RFC3: variants seen among roughly 807,000 people sequenced by gnomAD.
RFC3 encodes the protein A1 38 kDa subunit.
A neutral mutation model predicts 45.1 loss-of-function variants in RFC3; 41 were observed. The ratio of observed to expected loss-of-function variants is 0.91; its 90% CI spans 0.71 to 1.18. The LOEUF is 1.18. Ranked by LOEUF, RFC3 falls within the 50% of genes most tolerant of loss-of-function variation. RFC3 has a pLI of 0.00. For missense variants in RFC3, 423 were observed against 428.1 expected (o/e 0.99, Z 0.10); for synonymous variants, 149 against 144.0 (o/e 1.03, Z -0.25).
chr13:33,935,037 A>G lies in RFC3; in HGVS notation c.880-31050A>G, dbSNP rs143257394. Among the ~76,000 whole-genome samples the G allele has an allele frequency of 3.0e-3, 457 of 152,246 alleles. 3 individuals are homozygous for G. The highest frequency in any genetic ancestry group is 4.9e-3 in the Non-Finnish European group (336 of 68,008). ...TTTTGGCTGACTTCCTTGTTTGGAA[A>G]GTCTTATTTGGTTACCAGATAACTG... On this transcript the variant is annotated intron_variant, in intron 8 of 8. Transcript: ENST00000434425.
intron 8 of RFC3, among the ~76,000 whole-genome samples, chr13:33,886,774 TCCCTCCC>T (rs1355787479): frequency 1.7e-5 from 2 of 117,548 alleles, no homozygotes; most frequent in Non-Finnish European, 3.5e-5. Context: ...CCTAAAGCTA[TCCCTCCC>T]CCCTCCCCCC....
chr13:33,946,880 C>T (rs1029712453), intron 8 of RFC3, among the ~76,000 whole-genome samples: 14 of 152,114 alleles, frequency 9.2e-5, no homozygotes, highest in Non-Finnish European at 8.8e-5. Flanking sequence ...GCTTTTTGTA[C>T]GCAGCTATAA....
intron 8 of RFC3, among the ~76,000 whole-genome samples, chr13:33,959,973 T>C (rs554596827): frequency 6.6e-5 from 10 of 152,064 alleles, no homozygotes; most frequent in African/African-American, 2.4e-4. Flanking sequence ...GTAGGTCACA[T>C]AGTGAAAGCA....
intron 8 of RFC3, among the ~76,000 whole-genome samples, chr13:33,858,268 A>G (rs1023277523): frequency 2.6e-5 from 4 of 152,206 alleles, no homozygotes; most frequent in East Asian, 1.9e-4. Flanking sequence ...TTGGTCTCCT[A>G]CTGTAGCTTG....
Position 33,829,296 on chromosome 13 carries a change from A to T in RFC3, c.392-540A>T, listed in dbSNP as rs1382581200. Among the ~76,000 whole-genome samples the T allele has an allele frequency of 3.9e-5, 6 of 152,144 alleles. No individual in the cohort carries two copies. In the East Asian group the frequency reaches 1.2e-3, roughly 29 times the overall value. ...CCTTGTTGCCTACATCTCTTGCACC[A>T]CTGTCTTCCAAAGTCTATTCCTTGG... On this transcript the variant is annotated intron_variant, in intron 4 of 8. Coordinates refer to ENST00000380071, the MANE Select transcript of RFC3 (RefSeq NM_002915.4).
chr13:33,924,437 C>G (rs888238481), intron 8 of RFC3, among the ~76,000 whole-genome samples: 1 of 151,754 alleles, frequency 6.6e-6, no homozygotes, highest in African/African-American at 2.4e-5. Flanking sequence ...ACAGCCATGC[C>G]CATTTACTTA....
chr13:33,877,325 C>G (rs111597001), intron 8 of RFC3, among the ~76,000 whole-genome samples: 4,527 of 152,216 alleles, frequency 0.03, 134 homozygotes, highest in African/African-American at 0.069. Flanking sequence ...GCAGGCATTC[C>G]ACAGACATTC....
At chr13:33,956,906 G>T (rs60461975) in intron 8 of RFC3, among the ~76,000 whole-genome samples, 3,569 of 152,168 alleles carry the variant, frequency 0.023, 124 homozygotes, top group African/African-American at 0.078. Flanking sequence ...CTGTCTATAT[G>T]TTTAGGTCTA....
rs753959887 is a variant in RFC3, at chr13:33,823,925, T to TAA, written c.243_244dup (p.Ile82LysfsTer26). ...TTTTTCTTTGTCCACAGACTCCATC[T>TAA]AAAAAAAAAATTGAAATTAGCACCA... is the stretch of plus-strand genomic sequence containing the variant. On this transcript the variant is annotated frameshift_variant, in exon 3 of 9. Coordinates refer to ENST00000380071, the MANE Select transcript of RFC3 (RefSeq NM_002915.4). LOFTEE classifies it high-confidence loss of function. 3.6e-5 allele frequency: 50 copies of TAA among 1,383,936 alleles called. No homozygotes were observed. The highest frequency in any genetic ancestry group is 6.6e-5 in the South Asian group (5 of 75,688). 85.7% of individuals were successfully genotyped at this position (1,383,936 alleles called of 1,614,324 possible). A position where few individuals can be genotyped will look rare whatever the true frequency, so the allele number is the denominator to read the frequency against.
At chr13:33,899,625 C>A (rs999175278) in intron 8 of RFC3, among the ~76,000 whole-genome samples, 17 of 151,734 alleles carry the variant, frequency 1.1e-4, no homozygotes, top group Non-Finnish European at 2.4e-4. Flanking sequence ...TGCAAAAAGA[C>A]AAGGATGCCC....
At chr13:33,970,422 T>C (rs533479957), downstream of RFC3, among the ~76,000 whole-genome samples, 1 of 152,334 alleles carries the variant, frequency 6.6e-6, no homozygotes, top group East Asian at 1.9e-4. Flanking sequence ...TTAAACAGAA[T>C]GCTTTATGTC....
At chr13:33,898,031 G>C (rs147984525) in intron 8 of RFC3, among the ~76,000 whole-genome samples, 34 of 151,968 alleles carry the variant, frequency 2.2e-4, no homozygotes, top group African/African-American at 8.0e-4. Flanking sequence ...TCTAAAGGGA[G>C]AAATAGACTG....
chr13:33,920,953 C>T lies in RFC3; in HGVS notation c.880-45134C>T, dbSNP rs918935190. 2.2e-4 allele frequency among the ~76,000 whole-genome samples: 34 copies of T among 152,202 alleles called. 1 individual carries two copies. Among genetic ancestry groups the T allele is most frequent in the African/African-American group, 3.1e-4 (13 of 41,542 alleles). On this transcript the variant is annotated intron_variant, in intron 8 of 8. Transcript: ENST00000434425. ...TATAGAGGCAAATTTATGTTTCCAA[C>T]GTACCTCGTATATGCCTCAGTTATA...
At chr13:33,878,216 A>G (rs185323326) in intron 8 of RFC3, among the ~76,000 whole-genome samples, 83 of 152,324 alleles carry the variant, frequency 5.4e-4, no homozygotes, top group African/African-American at 1.9e-3. Context: ...GTCTTTGTAC[A>G]GTGATTTTCA....
chr13:33,926,612 G>A (rs1020197385), intron 8 of RFC3, among the ~76,000 whole-genome samples: 2 of 152,036 alleles, frequency 1.3e-5, no homozygotes, highest in African/African-American at 2.4e-5. Context: ...AATTCAGTAA[G>A]TTTTACTGTA....
downstream of RFC3, among the ~76,000 whole-genome samples, chr13:33,969,500 T>TA (rs2083101541): frequency 6.6e-6 from 1 of 152,168 alleles, no homozygotes. Context: ...AAAGCCCCTT[T>TA]AGGACACATG....
chr13:33,967,644 C>A (rs944015812), downstream of RFC3, among the ~76,000 whole-genome samples: 1 of 151,776 alleles, frequency 6.6e-6, no homozygotes, highest in African/African-American at 2.4e-5. Flanking sequence ...CACACCACCA[C>A]GCCCAGCTAA....
In RFC3 at chr13:33,956,935, G is replaced by A. The variant is rs143672068; in HGVS notation, c.880-9152G>A. 9.9e-5 allele frequency among the ~76,000 whole-genome samples: 15 copies of A among 152,080 alleles called. No homozygotes were observed. In the East Asian group the frequency reaches 2.5e-3, roughly 25 times the overall value. ...AGGTCTATGCAGAGATCTAATATCT[G>A]TCTGTATATATCTATTTATCTTCTC... On this transcript the variant is annotated intron_variant, in intron 8 of 8. Transcript: ENST00000434425.
intron 8 of RFC3, chr13:33,835,495 A>G (rs1385014660): frequency 1.6e-6 from 1 of 607,490 alleles, no homozygotes; most frequent in Non-Finnish European, 3.1e-6. Context: ...TGTAAAGGAA[A>G]TACCAAGGTG....
Sources: allele counts gnomAD v4.1 joint callset (sites outside exome capture counted in the v4.1 genomes callset), GRCh38; gene constraint gnomAD v4.1.1; transcripts MANE v1.5; gene names NCBI Gene and HGNC (gene_info 2026-07-23, HGNC 2026-07-21).